The following CMSS1 variants were observed in gnomAD, a reference collection of about 807,000 sequenced individuals.
CMSS1 encodes the protein cms1 ribosomal small subunit homolog, also known as protein CMSS1.
A neutral mutation model predicts 43.5 loss-of-function variants in CMSS1; 33 were observed. The observed-to-expected ratio is 0.76, with a 90% CI of 0.57 to 1.01. The LOEUF (loss-of-function observed/expected upper bound fraction) is 1.01, where lower values mean the gene tolerates loss of function less well. CMSS1 is among the 50% of genes least tolerant of loss of function. CMSS1 has a pLI of 0.00. For missense variants in CMSS1, 313 were observed against 326.4 expected (o/e 0.96, Z 0.32); for synonymous variants, 115 against 117.2 (o/e 0.98, Z 0.12).
chr3:100,093,794 A>G (rs1384360630), intron 1 of CMSS1, among the ~76,000 whole-genome samples: 1 of 152,236 alleles, frequency 6.6e-6, no homozygotes, highest in Non-Finnish European at 1.5e-5. Flanking sequence ...AAATAGAATC[A>G]TACAACATGT....
chr3:99,901,449 G>A (rs1706433160), intron 1 of CMSS1, among the ~76,000 whole-genome samples: 1 of 152,146 alleles, frequency 6.6e-6, no homozygotes, highest in Non-Finnish European at 1.5e-5. Context: ...CCTGTCCCTG[G>A]AGAAGCTATT....
chr3:100,139,567 ATG>A (rs1344083795), intron 1 of CMSS1, among the ~76,000 whole-genome samples: 144 of 124,678 alleles, frequency 1.2e-3, no homozygotes, highest in East Asian at 6.9e-3. Context: ...GTGTGTGTGT[ATG>A]TATATATATG....
At chr3:99,964,784 C>T (rs1301557811) in intron 1 of CMSS1, among the ~76,000 whole-genome samples, 1 of 152,110 alleles carries the variant, frequency 6.6e-6, no homozygotes. Context: ...CCAGAAACCT[C>T]CAGGCTACCC....
At chr3:100,119,004 A>T (rs1002178013) in intron 1 of CMSS1, among the ~76,000 whole-genome samples, 1 of 151,842 alleles carries the variant, frequency 6.6e-6, no homozygotes, top group African/African-American at 2.4e-5. Flanking sequence ...TTTTTTGTTG[A>T]CTCTCTGAGC....
At chr3:100,166,769 A>C (rs1196102307) in intron 5 of CMSS1, among the ~76,000 whole-genome samples, 1 of 151,890 alleles carries the variant, frequency 6.6e-6, no homozygotes, top group African/African-American at 2.4e-5. Flanking sequence ...ACAGGGTCTC[A>C]CTCCATCTCC....
intron 1 of CMSS1, among the ~76,000 whole-genome samples, chr3:99,870,768 T>C (rs1944748294): frequency 6.6e-6 from 1 of 152,212 alleles, no homozygotes. Context: ...ATACACTGGT[T>C]TACCCACAGA....
intron 1 of CMSS1, among the ~76,000 whole-genome samples, chr3:100,016,424 C>T (rs1040294253): frequency 1.3e-5 from 2 of 152,120 alleles, no homozygotes; most frequent in Non-Finnish European, 2.9e-5. Flanking sequence ...TTCCTGACCT[C>T]AGGTGATCCA....
chr3:99,877,774 A>G (rs1318945019), intron 1 of CMSS1, among the ~76,000 whole-genome samples: 2 of 152,178 alleles, frequency 1.3e-5, no homozygotes, highest in Non-Finnish European at 2.9e-5. Context: ...ATTTTTTATT[A>G]CAAATGAGAT....
At chr3:99,944,000 A>G (rs1037364695) in intron 1 of CMSS1, among the ~76,000 whole-genome samples, 2 of 152,204 alleles carry the variant, frequency 1.3e-5, no homozygotes, top group Non-Finnish European at 2.9e-5. Flanking sequence ...CTCATAGCTT[A>G]TCCTAATGGA....
chr3:99,834,754 G>A lies in CMSS1; in HGVS notation c.64+16711G>A, dbSNP rs1196280665. On this transcript the variant is annotated intron_variant, in intron 1 of 9. Coordinates refer to ENST00000421999, the MANE Select transcript of CMSS1 (RefSeq NM_032359.4). ...ATTCTCAGGCTTACATCTTATAACA[G>A]CCTTTGGGTAGTATCTAGAGCACAA... Among the ~76,000 whole-genome samples, 5 of 152,032 alleles carry A rather than the reference G, an allele frequency of 3.3e-5. No individual in the cohort carries two copies. In the East Asian group the frequency reaches 7.7e-4, roughly 23 times the overall value.
At chr3:99,969,637 G>A (rs749400117) in intron 1 of CMSS1, among the ~76,000 whole-genome samples, 1 of 152,180 alleles carries the variant, frequency 6.6e-6, no homozygotes, top group Non-Finnish European at 1.5e-5. Context: ...GAGAGCAGAG[G>A]TAGTAAGGGC....
chr3:99,865,961 T>C (rs570066952), intron 1 of CMSS1, among the ~76,000 whole-genome samples: 1 of 152,174 alleles, frequency 6.6e-6, no homozygotes, highest in African/African-American at 2.4e-5. Flanking sequence ...TAGTCCCTTT[T>C]TTCTCTTCCC....
At chr3:99,965,686 G>A (rs1708628425) in intron 1 of CMSS1, among the ~76,000 whole-genome samples, 2 of 152,166 alleles carry the variant, frequency 1.3e-5, no homozygotes, top group Admixed American at 1.3e-4. Context: ...AAATATCTGA[G>A]CCCCCTGCTC....
At chr3:99,854,628 A>G (rs1943866051) in intron 1 of CMSS1, among the ~76,000 whole-genome samples, 1 of 152,118 alleles carries the variant, frequency 6.6e-6, no homozygotes, top group Non-Finnish European at 1.5e-5. Context: ...CAAGATGTTT[A>G]GCAGCATCCC....
chr3:99,960,324 A>G (rs1040378608), intron 1 of CMSS1, among the ~76,000 whole-genome samples: 1 of 152,142 alleles, frequency 6.6e-6, no homozygotes, highest in Non-Finnish European at 1.5e-5. Context: ...GATGAGGAAA[A>G]CGAGGGCTCC....
chr3:100,129,053 T>C (rs2066685522), intron 1 of CMSS1, among the ~76,000 whole-genome samples: 1 of 152,150 alleles, frequency 6.6e-6, no homozygotes, highest in South Asian at 2.1e-4. Context: ...GACAGTATCA[T>C]GAGATAACTC....
chr3:100,026,104 CACGAGGCTGG>C (rs1457735927), intron 1 of CMSS1, among the ~76,000 whole-genome samples: 2 of 151,976 alleles, frequency 1.3e-5, no homozygotes, highest in Non-Finnish European at 2.9e-5. Context: ...TTCTTTTTAC[CACGAGGCTGG>C]ACGAGGCTGG....
Position 100,021,960 on chromosome 3 carries a change from T to TGA in CMSS1, c.65-124980_65-124979dup, listed in dbSNP as rs61630053. ...GTGTGTGTGTGTGTGTGTGTGTGTG[T>TGA]GAGAGAGAGAGAGAGAGAGAGAGAG... On this transcript the variant is annotated intron_variant, in intron 1 of 9. Coordinates refer to ENST00000421999, the MANE Select transcript of CMSS1 (RefSeq NM_032359.4). 2.9e-3 allele frequency among the ~76,000 whole-genome samples: 272 copies of TGA among 93,302 alleles called. 1 individual carries two copies. The highest frequency in any genetic ancestry group is 3.9e-3 in the Non-Finnish European group (175 of 44,708). The allele number at this position is 93,302 out of a possible 152,430, so 61.2% of individuals were successfully genotyped here.
At position 99,937,828 on chromosome 3, in the gene CMSS1, A is replaced by T. The variant is rs970406295; in HGVS notation, c.64+119785A>T. Among the ~76,000 whole-genome samples the T allele has an allele frequency of 2.6e-5, 4 of 152,356 alleles. No homozygotes were observed. The East Asian group carries it at 7.7e-4, about 29-fold the overall frequency. ...TGAGAATCTACTGAAGTAGCTGTGTATAGACCTCTTACCACATGCCAGGCA... is the reference window on the plus strand; with the variant it reads ...TGAGAATCTACTGAAGTAGCTGTGTTTAGACCTCTTACCACATGCCAGGCA... On this transcript the variant is annotated intron_variant, in intron 1 of 9. Coordinates refer to ENST00000421999, the MANE Select transcript of CMSS1 (RefSeq NM_032359.4).
Sources: gnomAD v4.1 joint callset for allele counts (sites outside exome capture counted in the v4.1 genomes callset) on GRCh38, gnomAD v4.1.1 for gene constraint, MANE v1.5 for transcripts, NCBI Gene and HGNC (gene_info 2026-07-23, HGNC 2026-07-21) for gene names.